Variants in GRB10 observed in about 807,000 individuals in gnomAD.
GRB10 encodes the protein growth factor receptor bound protein 10.
In GRB10, 20 loss-of-function variants were observed where a neutral mutation model predicts 80.9. That is an observed-to-expected ratio of 0.25 (90% CI 0.17 to 0.36). The LOEUF (loss-of-function observed/expected upper bound fraction) is 0.36, where lower values mean the gene tolerates loss of function less well. Among genes scored for constraint, GRB10 ranks in the 10% least tolerant of loss-of-function variants. The pLI is 1.00. For missense variants in GRB10, 548 were observed against 747.7 expected (o/e 0.73, Z 3.12); for synonymous variants, 291 against 291.5 (o/e 1.00, Z 0.02).
At chr7:50,707,883 T>C (rs1025801576) in intron 4 of GRB10, among the ~76,000 whole-genome samples, 1 of 152,128 alleles carries the variant, frequency 6.6e-6, no homozygotes, top group Admixed American at 6.5e-5. Flanking sequence ...GATGACTGCT[T>C]TGCCCGAGAC....
chr7:50,646,126 T>A (rs971541886), intron 7 of GRB10, among the ~76,000 whole-genome samples: 1 of 152,212 alleles, frequency 6.6e-6, no homozygotes, highest in African/African-American at 2.4e-5. Flanking sequence ...TCAGCTCTAT[T>A]CATAATTAGA....
intron 7 of GRB10, among the ~76,000 whole-genome samples, chr7:50,638,354 C>T (rs903769769): frequency 9.2e-5 from 14 of 152,038 alleles, no homozygotes; most frequent in Non-Finnish European, 2.9e-5. Flanking sequence ...TGACAAAGGA[C>T]TAATACCCAG....
intron 1 of GRB10, among the ~76,000 whole-genome samples, chr7:50,790,550 C>T (rs1032903037): frequency 3.3e-5 from 5 of 152,278 alleles, no homozygotes; most frequent in African/African-American, 4.8e-5. Context: ...ACGGAGCAAA[C>T]GTGCAAAGGC....
chr7:50,603,229 G>A (rs991846347), intron 17 of GRB10, among the ~76,000 whole-genome samples: 4 of 152,150 alleles, frequency 2.6e-5, no homozygotes, highest in Admixed American at 6.5e-5. Context: ...TGCTGGCTCC[G>A]CAGTGTCGGC....
chr7:50,664,990 C>T (rs868043642), intron 7 of GRB10, among the ~76,000 whole-genome samples: 17 of 152,154 alleles, frequency 1.1e-4, no homozygotes, highest in African/African-American at 3.4e-4. Context: ...AAGTCAATGA[C>T]GAGGTATTAT....
chr7:50,785,907 A>G (rs2078675095), upstream of GRB10, among the ~76,000 whole-genome samples: 1 of 152,266 alleles, frequency 6.6e-6, no homozygotes, highest in Non-Finnish European at 1.5e-5. Context: ...GCCATTAAAA[A>G]AAGAATACTC....
chr7:50,740,444 G>A (rs552768339), intron 3 of GRB10, among the ~76,000 whole-genome samples: 1 of 152,310 alleles, frequency 6.6e-6, no homozygotes, highest in Admixed American at 6.5e-5. Context: ...AATTAATGAT[G>A]ATTGGGTTAA....
intron 8 of GRB10, 50 bp from the exon 9 acceptor site, chr7:50,619,335 G>T: frequency 9.5e-7 from 1 of 1,050,522 alleles, no homozygotes; most frequent in Non-Finnish European, 1.5e-6. Context: ...GGAAATTCAT[G>T]GTAGCTTTAC....
intron 7 of GRB10, among the ~76,000 whole-genome samples, chr7:50,656,268 G>GC (rs1165553949): frequency 6.6e-6 from 1 of 152,188 alleles, no homozygotes; most frequent in African/African-American, 2.4e-5. Flanking sequence ...GTCCTTGCTT[G>GC]CTATCGGTCA....
intron 7 of GRB10, among the ~76,000 whole-genome samples, chr7:50,667,786 C>T (rs1248094482): frequency 6.6e-6 from 1 of 152,204 alleles, no homozygotes; most frequent in Non-Finnish European, 1.5e-5. Context: ...ACCAATGCCA[C>T]GTTCTCATGG....
chr7:50,673,531 C>T (rs1349591998), intron 6 of GRB10, among the ~76,000 whole-genome samples: 1 of 152,140 alleles, frequency 6.6e-6, no homozygotes, highest in Non-Finnish European at 1.5e-5. Context: ...AATTCAAGTG[C>T]TGGCAAAACG....
intron 2 of GRB10, among the ~76,000 whole-genome samples, chr7:50,763,797 T>C (rs2153706240): frequency 6.6e-6 from 1 of 152,328 alleles, no homozygotes; most frequent in East Asian, 1.9e-4. Flanking sequence ...TGCTGCCAAC[T>C]CCAGGCCTCT....
At chr7:50,689,403 T>C (rs1341738453) in intron 5 of GRB10, among the ~76,000 whole-genome samples, 2 of 152,184 alleles carry the variant, frequency 1.3e-5, no homozygotes, top group Non-Finnish European at 2.9e-5. Context: ...CCCTCACTCT[T>C]TGAACAACTC....
At chr7:50,727,650 T>C (rs2068866223) in intron 4 of GRB10, 1 of 152,126 alleles carries the variant, frequency 6.6e-6, no homozygotes, top group Admixed American at 6.6e-5. Flanking sequence ...CATCTATTTG[T>C]TTTAAGTGAA....
chr7:50,601,092 C>T (rs142866743), intron 17 of GRB10, among the ~76,000 whole-genome samples: 212 of 152,354 alleles, frequency 1.4e-3, no homozygotes, highest in African/African-American at 4.5e-3. Context: ...GTGGAGCGAT[C>T]CTTGGGATGC....
At chr7:50,693,722 G>A (rs975200448) in intron 5 of GRB10, among the ~76,000 whole-genome samples, 4 of 152,072 alleles carry the variant, frequency 2.6e-5, no homozygotes, top group African/African-American at 9.7e-5. Flanking sequence ...ACAAAGGCAT[G>A]ATGAATGTGT....
chr7:50,652,961 G>A (rs967826625), intron 7 of GRB10, among the ~76,000 whole-genome samples: 2 of 152,146 alleles, frequency 1.3e-5, no homozygotes, highest in Non-Finnish European at 2.9e-5. Context: ...TCCCAAAGCT[G>A]TTCCTAGTTA....
At chr7:50,646,921 G>C (rs1359906803) in intron 7 of GRB10, among the ~76,000 whole-genome samples, 1 of 152,172 alleles carries the variant, frequency 6.6e-6, no homozygotes, top group Non-Finnish European at 1.5e-5. Context: ...GGGCCAGATA[G>C]GAACCCTGGT....
intron 2 of GRB10, among the ~76,000 whole-genome samples, chr7:50,769,899 A>G (rs144751283): frequency 6.6e-6 from 1 of 152,256 alleles, no homozygotes; most frequent in Admixed American, 6.5e-5. Context: ...TGACGTTGGT[A>G]TCACAGTTTC....
Sources: allele counts gnomAD v4.1 joint callset (sites outside exome capture counted in the v4.1 genomes callset), GRCh38; gene constraint gnomAD v4.1.1; transcripts MANE v1.5; gene names NCBI Gene and HGNC (gene_info 2026-07-23, HGNC 2026-07-21).